PARN: variants seen among roughly 807,000 people sequenced by gnomAD.
The protein encoded by PARN is poly(A)-specific ribonuclease, also known as poly(A)-specific ribonuclease PARN.
Under a neutral mutation model 102.8 loss-of-function variants are expected in PARN, and 71 were observed. That is an observed-to-expected ratio of 0.69 (90% CI 0.57 to 0.84). The LOEUF (loss-of-function observed/expected upper bound fraction) is 0.84. PARN is among the 40% of genes least tolerant of loss of function. The pLI is 0.00. For missense variants in PARN, 782 were observed against 760.9 expected, an observed-to-expected ratio of 1.03 and a Z score of -0.33; for synonymous variants, 261 against 252.9, an observed-to-expected ratio of 1.03 and a Z score of -0.30.
At chr16:14,574,774 C>T (rs1337354976) in intron 18 of PARN, among the ~76,000 whole-genome samples, 2 of 152,054 alleles carry the variant, frequency 1.3e-5, no homozygotes, top group African/African-American at 2.4e-5. Flanking sequence ...CAGAAATTTG[C>T]GTAAGTAATG....
chr16:14,598,398 G>A (rs116800356), intron 12 of PARN, among the ~76,000 whole-genome samples: 4 of 152,046 alleles, frequency 2.6e-5, no homozygotes, highest in Non-Finnish European at 5.9e-5. Context: ...ACAAACAAAT[G>A]TCCAATCTTG....
chr16:14,571,770 G>C (rs1197951815), intron 18 of PARN, among the ~76,000 whole-genome samples: 2 of 152,108 alleles, frequency 1.3e-5, no homozygotes, highest in Admixed American at 1.3e-4. Flanking sequence ...TATCAAACAG[G>C]TTCTAATATT....
chr16:14,618,078 T>C (rs1972039233), intron 5 of PARN, among the ~76,000 whole-genome samples: 1 of 152,094 alleles, frequency 6.6e-6, no homozygotes, highest in Non-Finnish European at 1.5e-5. Context: ...TCCCAGCACT[T>C]TGGGAGGCAG....
rs745585881 is a variant in PARN, at chr16:14,436,700, C to A, written c.*17G>T. On this transcript the variant is annotated 3_prime_UTR_variant, in exon 24 of 24. Coordinates refer to ENST00000437198, the MANE Select transcript of PARN (RefSeq NM_002582.4). ...TCACAGCGACAGCACCAGCGGTTTG[C>A]TGCCCTCAGGTCTTGGTTACCATGT... The A allele has an allele frequency of 4.4e-6, 7 of 1,585,976 alleles. No homozygotes were observed. The highest frequency in any genetic ancestry group is 1.3e-5 in the African/African-American group (1 of 74,464).
intron 23 of PARN, among the ~76,000 whole-genome samples, chr16:14,437,315 C>T (rs117024907): frequency 0.01 from 1,593 of 152,286 alleles, 13 homozygotes; most frequent in Admixed American, 0.015. Flanking sequence ...CTGTGCTGTG[C>T]TGTGGCTCTG....
At chr16:14,445,622 C>T (rs1053642386) in intron 23 of PARN, among the ~76,000 whole-genome samples, 5 of 152,188 alleles carry the variant, frequency 3.3e-5, no homozygotes, top group Non-Finnish European at 5.9e-5. Flanking sequence ...AGTGCAGTGG[C>T]GCAATCTTGG....
At chr16:14,521,469 G>A (rs1464402987) in intron 21 of PARN, among the ~76,000 whole-genome samples, 5 of 152,212 alleles carry the variant, frequency 3.3e-5, no homozygotes, top group African/African-American at 1.2e-4. Context: ...CACAGCCACA[G>A]GAACGCTTTT....
intron 22 of PARN, among the ~76,000 whole-genome samples, chr16:14,472,798 T>C (rs1295853021): frequency 6.6e-6 from 1 of 152,196 alleles, no homozygotes; most frequent in African/African-American, 2.4e-5. Context: ...CAAAAACCGC[T>C]GGGATGGCTG....
intron 12 of PARN, among the ~76,000 whole-genome samples, chr16:14,599,280 C>G (rs1970735070): frequency 6.6e-6 from 1 of 152,064 alleles, no homozygotes; most frequent in Non-Finnish European, 1.5e-5. Context: ...TGAGCTCAAG[C>G]AATCCATCCT....
intron 8 of PARN, 43 bp from the exon 9 acceptor site, chr16:14,608,362 A>G (rs1420409722): frequency 7.9e-7 from 1 of 1,272,928 alleles, no homozygotes; most frequent in East Asian, 2.5e-5. Context: ...GCTCATTAGA[A>G]GTAAATCCAA....
chr16:14,599,850 C>T, intron 12 of PARN, 54 bp downstream of exon 12: 1 of 1,049,338 alleles, frequency 9.5e-7, no homozygotes, highest in Non-Finnish European at 1.5e-6. Flanking sequence ...TAATTAGATA[C>T]TTCACCTGAA....
intron 23 of PARN, among the ~76,000 whole-genome samples, chr16:14,438,326 TG>T (rs1960797448): frequency 6.6e-6 from 1 of 151,610 alleles, no homozygotes; most frequent in African/African-American, 2.4e-5. Flanking sequence ...ATGCCAAATG[TG>T]GGGAACTGAA....
chr16:14,459,134 C>T (rs1006755274), intron 22 of PARN, among the ~76,000 whole-genome samples: 2 of 152,202 alleles, frequency 1.3e-5, no homozygotes, highest in African/African-American at 4.8e-5. Flanking sequence ...GCTCTCACAA[C>T]TTCTATTCAA....
At chr16:14,458,946 C>T (rs1390643496) in intron 22 of PARN, among the ~76,000 whole-genome samples, 3 of 152,150 alleles carry the variant, frequency 2.0e-5, no homozygotes, top group Non-Finnish European at 2.9e-5. Context: ...AGGAGTGAGG[C>T]TGTCCAGCTC....
At chr16:14,582,502 C>G (rs1220961620) in intron 16 of PARN, among the ~76,000 whole-genome samples, 1 of 152,070 alleles carries the variant, frequency 6.6e-6, no homozygotes, top group Admixed American at 6.6e-5. Context: ...ACAGAAATGC[C>G]TCAGTTAGAT....
At chr16:14,599,037 CTTTTTTTTTTT>C (rs71150194) in intron 12 of PARN, among the ~76,000 whole-genome samples, 10 of 81,460 alleles carry the variant, frequency 1.2e-4, no homozygotes, top group South Asian at 8.0e-4. Context: ...TTCTCCTCTT[CTTTTTTTTTTT>C]TTTTTTTTTT....
chr16:14,517,149 T>C (rs1490529058), intron 21 of PARN, among the ~76,000 whole-genome samples: 1 of 152,246 alleles, frequency 6.6e-6, no homozygotes, highest in African/African-American at 2.4e-5. Flanking sequence ...TTTTTATGCA[T>C]GCCCCTTGCA....
chr16:14,451,307 C>T (rs1437095752), intron 22 of PARN, among the ~76,000 whole-genome samples: 3 of 152,208 alleles, frequency 2.0e-5, no homozygotes, highest in Non-Finnish European at 4.4e-5. Flanking sequence ...CCTTTCCATG[C>T]TTCCCATAAA....
Position 14,628,502 on chromosome 16 carries a change from C to T in PARN, c.98-251G>A, listed in dbSNP as rs551008691. Among the ~76,000 whole-genome samples the T allele has an allele frequency of 1.0e-3, 154 of 152,262 alleles. 1 individual carries two copies. The highest frequency in any genetic ancestry group is 3.4e-3 in the African/African-American group (141 of 41,550). ...CCAGCGTCTAAAACATGACTTAAAA[C>T]ACAGTAATCATGTAAGAAAACAATC... On this transcript the variant is annotated intron_variant, in intron 2 of 23. Coordinates refer to ENST00000437198, the MANE Select transcript of PARN (RefSeq NM_002582.4).
Sources: gnomAD v4.1 joint callset for allele counts (sites outside exome capture counted in the v4.1 genomes callset) on GRCh38, gnomAD v4.1.1 for gene constraint, MANE v1.5 for transcripts, NCBI Gene and HGNC (gene_info 2026-07-23, HGNC 2026-07-21) for gene names.